BLM: variants seen among roughly 807,000 people sequenced by gnomAD.
BLM encodes BLM RecQ like helicase.
Under a neutral mutation model 135.3 loss-of-function variants are expected in BLM, and 95 were observed. That is an observed-to-expected ratio of 0.70 (90% confidence interval 0.59 to 0.83). The LOEUF is 0.83. BLM is among the 40% of genes least tolerant of loss of function. The pLI is 0.00. For synonymous variants in BLM, 520 were observed against 589.2 expected, an observed-to-expected ratio of 0.88 and a Z score of 1.70; for missense variants, 1,518 against 1,663.9, an observed-to-expected ratio of 0.91 and a Z score of 1.53.
intron 9 of BLM, among the ~76,000 whole-genome samples, chr15:90,765,929 A>G (rs1030314003): frequency 1.3e-5 from 2 of 152,220 alleles, no homozygotes; most frequent in African/African-American, 4.8e-5. Context: ...CCTGGGCAAC[A>G]CAGCAAGACT....
At chr15:90,730,893 C>A (rs1298288265) in intron 1 of BLM, among the ~76,000 whole-genome samples, 1 of 151,734 alleles carries the variant, frequency 6.6e-6, no homozygotes, top group South Asian at 2.1e-4. Context: ...TGTTGAACCA[C>A]TTCTGAGTCA....
intron 5 of BLM, among the ~76,000 whole-genome samples, chr15:90,759,796 G>A (rs1299200690): frequency 6.6e-6 from 1 of 151,514 alleles, no homozygotes; most frequent in African/African-American, 2.4e-5. Context: ...TAGTAAAGAC[G>A]GGGTTTCACC....
intron 1 of BLM, among the ~76,000 whole-genome samples, chr15:90,734,055 C>T (rs1315742680): frequency 6.6e-6 from 1 of 151,896 alleles, no homozygotes; most frequent in Non-Finnish European, 1.5e-5. Context: ...AAATAAAATA[C>T]TACCAAACAG....
Position 90,784,953 on chromosome 15 carries a change from C to A in BLM, c.2695C>A (p.Arg899=), listed in dbSNP as rs587779884. The A allele has an allele frequency of 6.2e-7, 1 of 1,614,024 alleles. No individual in the cohort carries two copies. Among genetic ancestry groups the A allele is most frequent in the Non-Finnish European group, 8.5e-7 (1 of 1,179,980 alleles). ...AGGGATAATTTACTGCCTCTCCAGGCGAGAATGTGACACCATGGCTGACAC... is the reference window on the plus strand; with the variant it reads ...AGGGATAATTTACTGCCTCTCCAGGAGAGAATGTGACACCATGGCTGACAC... ...DSGIIYCLSR[R]ECDTMADTLQ... is the part of the protein sequence containing the mutation. The change falls in exon 14 of 22, where the codon CGA becomes AGA. Residue 899 remains arginine, a synonymous_variant. Transcript: ENST00000355112.
At chr15:90,775,510 A>ATATG (rs1555421652) in intron 12 of BLM, among the ~76,000 whole-genome samples, 4 of 144,886 alleles carry the variant, frequency 2.8e-5, no homozygotes, top group Middle Eastern at 3.6e-3. Context: ...TTATATATAT[A>ATATG]TGTGTGTGTG....
chr15:90,815,658 G>A lies in BLM; in HGVS notation c.*379G>A. On this transcript the variant is annotated 3_prime_UTR_variant, in exon 22 of 22. Transcript: ENST00000355112. The surrounding 1 kb of genome is among the most constrained non-coding windows in gnomAD (Gnocchi z 4.6). ...AACAAAATTTAAAGACAAATGACGG[G>A]GAAAAGAGGAGAAAATATATTACAA... 3 of 275,152 alleles carry A rather than the reference G, an allele frequency of 1.1e-5. No homozygotes were observed. Among genetic ancestry groups the A allele is most frequent in the Non-Finnish European group, 2.1e-5 (3 of 142,948 alleles). 17.0% of individuals were successfully genotyped at this position (275,152 alleles called of 1,614,324 possible).
At chr15:90,808,965 G>T (rs1351463337) in intron 19 of BLM, 172 bp from the exon 20 acceptor site, 8 of 825,394 alleles carry the variant, frequency 9.7e-6, no homozygotes, top group Non-Finnish European at 1.6e-5. Context: ...CTCTGTGCCT[G>T]TCTGCTGCCT....
At chr15:90,722,141 ACT>A (rs1297521694) in intron 1 of BLM, among the ~76,000 whole-genome samples, 1 of 150,806 alleles carries the variant, frequency 6.6e-6, no homozygotes, top group Non-Finnish European at 1.5e-5. Context: ...ACAGAGTCTC[ACT>A]CTCTCTCCCA....
Position 90,815,491 on chromosome 15 carries a change from C to T in BLM, c.*212C>T. The T allele has an allele frequency of 1.7e-6, 1 of 593,020 alleles. No individual in the cohort carries two copies. Among genetic ancestry groups the T allele is most frequent in the Non-Finnish European group, 2.9e-6 (1 of 349,362 alleles). The allele number at this position is 593,020 out of a possible 1,614,324, so 36.7% of individuals were successfully genotyped here. The stretch of plus-strand genomic sequence containing the variant: ...TTTGCTGCCGCTGCAAGTGTTGTGG[C>T]CGTTGTTTCTCAGAACGTCTGAGGC... On this transcript the variant is annotated 3_prime_UTR_variant, in exon 22 of 22. Coordinates refer to ENST00000355112, the MANE Select transcript of BLM (RefSeq NM_000057.4). The surrounding 1 kb of genome is among the most constrained non-coding windows in gnomAD (Gnocchi z 4.6).
At chr15:90,776,643 C>T (rs1165505991) in intron 12 of BLM, among the ~76,000 whole-genome samples, 1 of 152,086 alleles carries the variant, frequency 6.6e-6, no homozygotes, top group Admixed American at 6.6e-5. Flanking sequence ...TGCCTCAACC[C>T]GCCAAGTAGC....
chr15:90,750,096 A>G lies in BLM; in HGVS notation c.799+29A>G, dbSNP rs542770299. On this transcript the variant is annotated intron_variant, in intron 3 of 21. Transcript: ENST00000355112. ...ACAATTATTTTATCTTCATTTTAGT[A>G]TGTTCATTGTACTTTTTTATTCAAA... is the stretch of plus-strand genomic sequence containing the variant. 1.5e-4 allele frequency: 237 copies of G among 1,604,098 alleles called. No homozygotes were observed. The South Asian group carries it at 2.3e-3, about 16-fold the overall frequency.
intron 21 of BLM, among the ~76,000 whole-genome samples, chr15:90,813,858 A>C (rs1388183285): frequency 6.6e-6 from 1 of 152,186 alleles, no homozygotes; most frequent in African/African-American, 2.4e-5. Context: ...CTCTGCCAGC[A>C]ACCTCACCTC....
intron 1 of BLM, among the ~76,000 whole-genome samples, chr15:90,735,472 T>C (rs1034768878): frequency 6.6e-6 from 1 of 151,766 alleles, no homozygotes; most frequent in African/African-American, 2.4e-5. Flanking sequence ...TCTATCATGA[T>C]AATATTGTGG....
At chr15:90,803,130 T>C (rs1355345154) in intron 17 of BLM, among the ~76,000 whole-genome samples, 4 of 147,142 alleles carry the variant, frequency 2.7e-5, no homozygotes, top group Non-Finnish European at 5.9e-5. Context: ...ACCACTGCAC[T>C]CCAACCTCCA....
At chr15:90,808,756 G>A (rs1386204261) in intron 19 of BLM, 4 of 332,574 alleles carry the variant, frequency 1.2e-5, no homozygotes, top group Non-Finnish European at 2.3e-5. Context: ...GCTGGAAATA[G>A]AAATGCAGCG....
chr15:90,809,126 C>A lies in BLM; in HGVS notation c.3752-11C>A. The stretch of plus-strand genomic sequence containing the variant: ...GATAATTTAAATTCCTAATTTTATG[C>A]CTTTGCACAGAATCTTTATCTTCTG... On this transcript the variant is annotated splice_polypyrimidine_tract_variant and intron_variant, in intron 19 of 21. Transcript: ENST00000355112. 1.2e-6 allele frequency: 2 copies of A among 1,614,028 alleles called. No individual in the cohort carries two copies. Among genetic ancestry groups the A allele is most frequent in the Non-Finnish European group, 1.7e-6 (2 of 1,179,880 alleles).
At chr15:90,794,743 GATTAA>G (rs1222181797) in intron 16 of BLM, among the ~76,000 whole-genome samples, 2 of 148,358 alleles carry the variant, frequency 1.3e-5, no homozygotes, top group Non-Finnish European at 3.0e-5. Context: ...AAATTTAATT[GATTAA>G]ATTAAATATA....
chr15:90,746,603 A>T (rs1352513091), intron 1 of BLM, among the ~76,000 whole-genome samples: 1 of 152,182 alleles, frequency 6.6e-6, no homozygotes, highest in Non-Finnish European at 1.5e-5. Context: ...ATCTAGTGTT[A>T]ACCCTGCCTC....
chr15:90,720,135 G>A (rs1596192357), intron 1 of BLM, among the ~76,000 whole-genome samples: 1 of 152,054 alleles, frequency 6.6e-6, no homozygotes, highest in Non-Finnish European at 1.5e-5. Context: ...GACTTATCTC[G>A]TTGCATTGTA....
Sources: gnomAD v4.1 joint callset for allele counts (sites outside exome capture counted in the v4.1 genomes callset) on GRCh38, gnomAD v4.1.1 for gene constraint, Gnocchi (gnomAD v3.1) non-coding constraint, MANE v1.5 for transcripts, NCBI Gene and HGNC (gene_info 2026-07-23, HGNC 2026-07-21) for gene names.